The following HEATR4 variants were observed in gnomAD, a reference collection of about 807,000 sequenced individuals.
HEATR4 encodes HEAT repeat containing 4, also known as HEAT repeat-containing protein 4.
Under a neutral mutation model 108.8 loss-of-function variants are expected in HEATR4, and 95 were observed. The ratio of observed to expected loss-of-function variants is 0.87; its 90% CI spans 0.74 to 1.04. The LOEUF is 1.04. Ranked by LOEUF, HEATR4 falls within the 50% of genes least tolerant of loss-of-function variation. HEATR4 has a pLI of 0.00. For missense variants in HEATR4, 1,152 were observed against 1,253.8 expected (o/e 0.92, Z 1.23); for synonymous variants, 443 against 459.4 (o/e 0.96, Z 0.46).
the HEATR4 span, chr14:73,613,018 C>G: frequency 1.1e-6 from 1 of 902,226 alleles, no homozygotes; most frequent in Non-Finnish European, 1.6e-6. Context: ...CCGCGCTCTT[C>G]CTGCCGCCGG....
intron 17 of HEATR4, among the ~76,000 whole-genome samples, chr14:73,487,808 G>A (rs186654503): frequency 1.3e-5 from 2 of 152,254 alleles, no homozygotes; most frequent in Non-Finnish European, 2.9e-5. Flanking sequence ...GAGAGGAGAT[G>A]GAATGTGAAA....
chr14:73,479,413 G>GTT (rs59658288), intron 17 of HEATR4, among the ~76,000 whole-genome samples: 4 of 129,198 alleles, frequency 3.1e-5, no homozygotes, highest in East Asian at 2.3e-4. Flanking sequence ...TGCGCCCGGC[G>GTT]TTTTTTTTTC....
In HEATR4 at chr14:73,553,775, C is replaced by G. The variant is rs1889359615; in HGVS notation, c.-152+4976G>C. The stretch of plus-strand genomic sequence containing the variant: ...TCAGCCTCCCTAGTAGCTGGGATTA[C>G]AGGCATGCACTAGCATGCCCCGCTA... On this transcript the variant is annotated intron_variant, in intron 1 of 17. Transcript: ENST00000553558. Among the ~76,000 whole-genome samples the G allele has an allele frequency of 1.8e-5, 2 of 113,054 alleles. 1 individual carries two copies. The highest frequency in any genetic ancestry group is 5.7e-5 in the African/African-American group (2 of 35,078). 74.2% of individuals were successfully genotyped at this position (113,054 alleles called of 152,430 possible).
the HEATR4 span, among the ~76,000 whole-genome samples, chr14:73,631,217 G>A: frequency 4.4e-3 from 677 of 152,244 alleles, 2 homozygotes; most frequent in Non-Finnish European, 7.1e-3. Flanking sequence ...AATAAAATAT[G>A]TTCACCTGGG....
chr14:73,520,787 G>A (rs76899909), intron 4 of HEATR4, 65 bp downstream of exon 4: 96,915 of 1,447,510 alleles, frequency 0.067, 4,318 homozygotes, highest in South Asian at 0.16. Context: ...CCAGCCCCCA[G>A]CAATCTTCCA....
the HEATR4 span, among the ~76,000 whole-genome samples, chr14:73,630,508 C>G: frequency 2.0e-5 from 3 of 152,206 alleles, no homozygotes; most frequent in Non-Finnish European, 4.4e-5. Context: ...GTTCGCTCCC[C>G]CAATAAAATG....
chr14:73,609,133 G>A, the HEATR4 span, among the ~76,000 whole-genome samples: 1 of 152,204 alleles, frequency 6.6e-6, no homozygotes, highest in Non-Finnish European at 1.5e-5. Flanking sequence ...CAGGTTTTGT[G>A]AACGATATTG....
chr14:73,593,949 T>A, the HEATR4 span: 2 of 1,534,424 alleles, frequency 1.3e-6, no homozygotes, highest in Non-Finnish European at 1.8e-6. Flanking sequence ...TAGAAATATT[T>A]CCATAGAGAG....
chr14:73,507,151 A>G (rs1391335096), intron 9 of HEATR4, among the ~76,000 whole-genome samples: 1 of 152,148 alleles, frequency 6.6e-6, no homozygotes, highest in African/African-American at 2.4e-5. Flanking sequence ...ATATGCCTCA[A>G]GCTTATGACT....
At chr14:73,618,776 A>C in the HEATR4 span, among the ~76,000 whole-genome samples, 2 of 152,318 alleles carry the variant, frequency 1.3e-5, no homozygotes, top group South Asian at 4.1e-4. Context: ...TGATTTGCTT[A>C]TTAGAAGACA....
intron 1 of HEATR4, chr14:73,537,588 C>T: frequency 8.2e-7 from 1 of 1,223,058 alleles, no homozygotes; most frequent in Non-Finnish European, 1.1e-6. Flanking sequence ...CGCGCCGACA[C>T]CCTTGGCGAG....
rs1017814757 is a variant in HEATR4 at position 73,491,620 on chromosome 14, A to C, written c.2844+1446T>G. ...ACCGCATCCCCAGCAGCCGGCGGCGAGCGGCCCGCCTCTTTGAGTGGCTCA... is the reference window on the plus strand; with the variant it reads ...ACCGCATCCCCAGCAGCCGGCGGCGCGCGGCCCGCCTCTTTGAGTGGCTCA... On this transcript the variant is annotated intron_variant, in intron 17 of 17. Transcript: ENST00000553558. 16 of 1,547,314 alleles carry C rather than the reference A, an allele frequency of 1.0e-5. No homozygotes were observed. In the African/African-American group the frequency reaches 2.2e-4, roughly 21 times the overall value.
At chr14:73,498,073 AAGGC>A (rs2140257536) in intron 14 of HEATR4, 78 bp downstream of exon 14, 1 of 1,325,096 alleles carries the variant, frequency 7.5e-7, no homozygotes. Context: ...GTAGCCTGGA[AAGGC>A]AGGGACATAT....
chr14:73,528,429 A>G (rs1035066447), intron 2 of HEATR4, among the ~76,000 whole-genome samples: 13 of 149,454 alleles, frequency 8.7e-5, no homozygotes, highest in Non-Finnish European at 1.8e-4. Flanking sequence ...AGGAATAGTT[A>G]TTATCTGATA....
chr14:73,627,176 T>C, the HEATR4 span, among the ~76,000 whole-genome samples: 1,618 of 151,722 alleles, frequency 0.011, 22 homozygotes, highest in Middle Eastern at 0.061. Context: ...AGGACTTTCA[T>C]AGTTAGTAAG....
At position 73,508,181 on chromosome 14, in the gene HEATR4, T is replaced by G; in HGVS notation, c.1834A>C (p.Thr612Pro). ...AGGAGGATATAAGACTGTTCCTCAG[T>G]GTCCTCATTCTTCTTTGTAAACAGC... ...HQLFTKKNED[T>P]EEQSYILLSY... The change falls in exon 9 of 18, where the codon ACT becomes CCT. Residue 612 changes from threonine (T) to proline (P), a missense_variant. Physicochemically the swap from Thr to Pro is conservative, Grantham distance 38 (BLOSUM62 -1). Transcript: ENST00000553558. The G allele has an allele frequency of 1.2e-6, 2 of 1,614,136 alleles. No individual in the cohort carries two copies. Among genetic ancestry groups the G allele is most frequent in the Non-Finnish European group, 1.7e-6 (2 of 1,179,976 alleles).
chr14:73,607,629 C>CT, the HEATR4 span, among the ~76,000 whole-genome samples: 32 of 148,598 alleles, frequency 2.2e-4, no homozygotes, highest in South Asian at 8.6e-4. Flanking sequence ...TCTTTTCTTT[C>CT]TTTTTTTTTT....
chr14:73,586,000 C>T, the HEATR4 span, among the ~76,000 whole-genome samples: 1 of 127,794 alleles, frequency 7.8e-6, no homozygotes, highest in Admixed American at 8.3e-5. Flanking sequence ...CAGAGTGAGA[C>T]TCTGTCGCAA....
the HEATR4 span, chr14:73,616,957 C>G: frequency 1.6e-6 from 1 of 617,966 alleles, no homozygotes; most frequent in Non-Finnish European, 2.9e-6. Flanking sequence ...TTTTGAGAAA[C>G]TAAAGCTCCC....
Sources: gnomAD v4.1 joint callset for allele counts (sites outside exome capture counted in the v4.1 genomes callset) on GRCh38, gnomAD v4.1.1 for gene constraint, MANE v1.5 for transcripts, NCBI Gene and HGNC (gene_info 2026-07-23, HGNC 2026-07-21) for gene names.